Variants in IDE observed in about 807,000 individuals in gnomAD.
IDE encodes insulin degrading enzyme.
In IDE, 58 loss-of-function variants were observed where a neutral mutation model predicts 133.2. The observed-to-expected ratio is 0.44, with a 90% CI of 0.35 to 0.54. The LOEUF (loss-of-function observed/expected upper bound fraction) is 0.54. Among genes scored for constraint, IDE ranks in the 20% least tolerant of loss-of-function variants. The probability of loss-of-function intolerance (pLI) is 0.00; values close to 1 mark genes in which losing one functional copy is unlikely to be tolerated. For missense variants in IDE, 981 were observed against 1,234.0 expected (o/e 0.79, Z 3.07); for synonymous variants, 396 against 421.3 (o/e 0.94, Z 0.73).
chr10:92,522,436 C>A (rs1849277337), intron 4 of IDE, among the ~76,000 whole-genome samples: 1 of 152,140 alleles, frequency 6.6e-6, no homozygotes, highest in African/African-American at 2.4e-5. Context: ...ATTCCATAAC[C>A]TATACAGATA....
intron 24 of IDE, among the ~76,000 whole-genome samples, chr10:92,455,031 C>T (rs1208928492): frequency 6.6e-6 from 1 of 151,988 alleles, no homozygotes; most frequent in Admixed American, 6.6e-5. Flanking sequence ...CAGAAATGAT[C>T]CATTGCAAAA....
rs532861372 is a variant in IDE, at chr10:92,564,671, C to CAAAAA, written c.98+9246_98+9250dup. ...CCTGGGCGATAAAGCGAGACTGTCT[C>CAAAAA]AAAAAAAAAAAAAAAAAAAAAAAAA... On this transcript the variant is annotated intron_variant, in intron 1 of 24. Transcript: ENST00000265986. Among the ~76,000 whole-genome samples, 51 of 31,580 alleles carry CAAAAA rather than the reference C, an allele frequency of 1.6e-3. 9 individuals carry two copies. The highest frequency in any genetic ancestry group is 2.1e-3 in the Non-Finnish European group (35 of 16,302). 20.7% of individuals were successfully genotyped at this position (31,580 alleles called of 152,430 possible).
intron 1 of IDE, chr10:92,572,800 A>T: frequency 1.3e-6 from 1 of 750,446 alleles, no homozygotes; most frequent in Non-Finnish European, 1.6e-6. Flanking sequence ...GATTACGCCC[A>T]CGCCAGCCCT....
chr10:92,547,863 C>T (rs1842597576), intron 1 of IDE, among the ~76,000 whole-genome samples: 2 of 152,182 alleles, frequency 1.3e-5, no homozygotes, highest in Admixed American at 1.3e-4. Context: ...CTCTCTGCTC[C>T]TGAGGCACTG....
At position 92,483,308 on chromosome 10, in the gene IDE, T is replaced by C; in HGVS notation, c.1686A>G (p.Lys562=). The change falls in exon 14 of 25, where the codon AAA becomes AAG. Residue 562 remains lysine, a synonymous_variant. Coordinates refer to ENST00000265986, the MANE Select transcript of IDE (RefSeq NM_004969.4). ...KDTAMSKLWF[K]QDDKFFLPKA... is the part of the protein sequence containing the mutation. ...TCGGCAAAAAAAACTTATCATCTTG[T>C]TTGAACCAAAGTTTGCTCATAGCTG... is the stretch of plus-strand genomic sequence containing the variant. 6.2e-7 allele frequency: 1 copy of C among 1,611,170 alleles called. No homozygotes were observed. The highest frequency in any genetic ancestry group is 8.5e-7 in the Non-Finnish European group (1 of 1,177,322).
intron 1 of IDE, among the ~76,000 whole-genome samples, chr10:92,566,658 C>A (rs184929949): frequency 1.6e-4 from 23 of 147,864 alleles, no homozygotes; most frequent in Admixed American, 1.0e-3. Flanking sequence ...TTAATGGGTA[C>A]CAAAGAAAAA....
intron 9 of IDE, among the ~76,000 whole-genome samples, chr10:92,507,238 C>T (rs527752320): frequency 2.0e-5 from 3 of 152,250 alleles, no homozygotes; most frequent in African/African-American, 7.2e-5. Context: ...AACGACAGAG[C>T]TCATGCAGCT....
At chr10:92,455,228 C>G (rs996180234) in intron 24 of IDE, among the ~76,000 whole-genome samples, 10 of 152,002 alleles carry the variant, frequency 6.6e-5, no homozygotes, top group Admixed American at 1.3e-4. Context: ...GTAATCCCAG[C>G]ACTCTGGGAG....
At chr10:92,488,553 A>G (rs11187019) in intron 12 of IDE, among the ~76,000 whole-genome samples, 96,018 of 151,854 alleles carry the variant, frequency 0.63, 31,229 homozygotes, top group East Asian at 0.89. Flanking sequence ...CAAGATGTGC[A>G]GATCACGAGG....
At chr10:92,472,354 T>C (rs1240173394) in intron 17 of IDE, among the ~76,000 whole-genome samples, 1 of 152,226 alleles carries the variant, frequency 6.6e-6, no homozygotes, top group East Asian at 1.9e-4. Context: ...TTGGAAAACA[T>C]TTAAAATTAA....
intron 11 of IDE, among the ~76,000 whole-genome samples, chr10:92,502,792 A>G (rs1848096032): frequency 6.6e-6 from 1 of 152,232 alleles, no homozygotes; most frequent in Non-Finnish European, 1.5e-5. Context: ...GAAAAAGAGC[A>G]TTTGCTGTTA....
intron 3 of IDE, 51 bp from the exon 4 acceptor site, chr10:92,531,968 T>C (rs903618017): frequency 3.1e-6 from 4 of 1,280,310 alleles, no homozygotes; most frequent in Non-Finnish European, 3.1e-6. Flanking sequence ...TTTAAAACAA[T>C]AGCCTTTTAG....
At chr10:92,548,406 T>C (rs1842629555) in intron 1 of IDE, among the ~76,000 whole-genome samples, 1 of 130,880 alleles carries the variant, frequency 7.6e-6, no homozygotes, top group South Asian at 2.6e-4. Flanking sequence ...ATGAAATGTA[T>C]ACATGGCTCA....
chr10:92,466,559 C>T (rs886716159), intron 19 of IDE, among the ~76,000 whole-genome samples: 15 of 151,768 alleles, frequency 9.9e-5, no homozygotes, highest in Admixed American at 3.3e-4. Flanking sequence ...TCAGGTGATC[C>T]GCCTGCTTTG....
At chr10:92,541,339 T>A in intron 1 of IDE, 1 of 470,900 alleles carries the variant, frequency 2.1e-6, no homozygotes, top group Non-Finnish European at 4.4e-6. Context: ...CTCTTCCTCC[T>A]CTGATGATGA....
At chr10:92,458,350 T>C (rs889063235) in intron 22 of IDE, among the ~76,000 whole-genome samples, 2 of 152,208 alleles carry the variant, frequency 1.3e-5, no homozygotes, top group African/African-American at 2.4e-5. Flanking sequence ...TCTCTAAGAA[T>C]GCGAATAGTC....
At chr10:92,540,013 G>A (rs1471177876) in intron 1 of IDE, among the ~76,000 whole-genome samples, 1 of 152,008 alleles carries the variant, frequency 6.6e-6, no homozygotes, top group Non-Finnish European at 1.5e-5. Flanking sequence ...AGACTGAGGC[G>A]GGCAGATCAT....
chr10:92,517,998 TTCTC>T (rs1299222657), intron 4 of IDE, among the ~76,000 whole-genome samples: 6 of 152,098 alleles, frequency 3.9e-5, no homozygotes, highest in Non-Finnish European at 8.8e-5. Flanking sequence ...TCCTGAGACA[TTCTC>T]TATTCTCTCA....
intron 17 of IDE, among the ~76,000 whole-genome samples, chr10:92,471,145 A>G (rs1845942132): frequency 6.6e-6 from 1 of 152,178 alleles, no homozygotes; most frequent in Non-Finnish European, 1.5e-5. Context: ...GCCTGTAGCA[A>G]TTATTACTAT....
Sources: gnomAD v4.1 joint callset for allele counts (sites outside exome capture counted in the v4.1 genomes callset) on GRCh38, gnomAD v4.1.1 for gene constraint, MANE v1.5 for transcripts, NCBI Gene and HGNC (gene_info 2026-07-23, HGNC 2026-07-21) for gene names.